Variants in CYLD observed in about 807,000 individuals in gnomAD.
The protein encoded by CYLD is ubiquitin carboxyl-terminal hydrolase CYLD.
In CYLD, 26 loss-of-function variants were observed where a neutral mutation model predicts 104.5. The ratio of observed to expected loss-of-function variants is 0.25; its 90% confidence interval spans 0.18 to 0.35. The LOEUF is 0.35. CYLD is among the 10% of genes least tolerant of loss of function. CYLD has a pLI of 1.00. For synonymous variants in CYLD, 385 were observed against 399.9 expected, an observed-to-expected ratio of 0.96 and a Z score of 0.45; for missense variants, 703 against 1,136.1, an observed-to-expected ratio of 0.62 and a Z score of 5.48.
At chr16:50,757,693 C>T (rs1308128525) in intron 5 of CYLD, among the ~76,000 whole-genome samples, 3 of 152,140 alleles carry the variant, frequency 2.0e-5, no homozygotes, top group East Asian at 1.9e-4. Flanking sequence ...CCCGCCACCA[C>T]GCCCGGCTAA....
chr16:50,761,661 A>G (rs2150942624), intron 5 of CYLD, among the ~76,000 whole-genome samples: 1 of 152,206 alleles, frequency 6.6e-6, no homozygotes, highest in African/African-American at 2.4e-5. Flanking sequence ...GTTTTAATAG[A>G]TTCTGGATTT....
At chr16:50,788,753 T>C (rs1438762579) in intron 14 of CYLD, among the ~76,000 whole-genome samples, 1 of 152,212 alleles carries the variant, frequency 6.6e-6, no homozygotes, top group Non-Finnish European at 1.5e-5. Flanking sequence ...TCATAATTTG[T>C]CTATGTAAAA....
At chr16:50,754,998 T>C (rs868006002) in intron 5 of CYLD, among the ~76,000 whole-genome samples, 227 of 11,860 alleles carry the variant, frequency 0.019, 4 homozygotes, top group Middle Eastern at 0.062. Flanking sequence ...CATATATATG[T>C]ATATATACAT....
intron 5 of CYLD, among the ~76,000 whole-genome samples, chr16:50,759,084 T>A (rs1055220726): frequency 6.6e-6 from 1 of 151,918 alleles, no homozygotes; most frequent in Non-Finnish European, 1.5e-5. Flanking sequence ...CTACTAAAAA[T>A]ACAAAAATTA....
In CYLD at chr16:50,797,194, G is replaced by C. The variant is rs921531675; in HGVS notation, c.*686G>C. 2.0e-4 allele frequency: 47 copies of C among 232,926 alleles called. No homozygotes were observed. Among genetic ancestry groups the C allele is most frequent in the South Asian group, 3.6e-4 (2 of 5,536 alleles). The allele number at this position is 232,926 out of a possible 1,614,324, so 14.4% of individuals were successfully genotyped here. On this transcript the variant is annotated 3_prime_UTR_variant, in exon 19 of 19. Transcript: ENST00000427738. The stretch of plus-strand genomic sequence containing the variant: ...TGAAGTGATTTTCCTGGAGGATTAG[G>C]GTATTTAGCAGTTGAAGCTCTTCAT...
chr16:50,763,501 G>A (rs145060469), intron 5 of CYLD, among the ~76,000 whole-genome samples: 178 of 152,188 alleles, frequency 1.2e-3, no homozygotes, highest in African/African-American at 3.9e-3. Flanking sequence ...GTGTGTAAGC[G>A]TTTTGGTTTC....
At chr16:50,783,284 G>T (rs1970452849) in intron 11 of CYLD, among the ~76,000 whole-genome samples, 1 of 151,974 alleles carries the variant, frequency 6.6e-6, no homozygotes. Flanking sequence ...GAATCTTTAG[G>T]CTCTGAGGAT....
intron 12 of CYLD, chr16:50,785,182 C>G (rs902094662): frequency 2.0e-5 from 3 of 152,034 alleles, no homozygotes; most frequent in African/African-American, 7.2e-5. Context: ...GATCATAAAA[C>G]AAATTTGTTC....
rs181246559 is a variant in CYLD at position 50,798,339 on chromosome 16, G to A, written c.*1831G>A. On this transcript the variant is annotated 3_prime_UTR_variant, in exon 19 of 19. Coordinates refer to ENST00000427738, the MANE Select transcript of CYLD (RefSeq NM_001378743.1). ...TTTTAAAAAAAGGATGGTTACATCC[G>A]TATTGAACATGTACAGACTTTTTTC... 7.0e-3 allele frequency: 1,624 copies of A among 231,500 alleles called. 12 individuals are homozygous for A. Among genetic ancestry groups the A allele is most frequent in the Middle Eastern group, 0.014 (11 of 776 alleles). The allele number at this position is 231,500 out of a possible 1,614,324, so 14.3% of individuals were successfully genotyped here.
rs758690839 is a variant in CYLD at position 50,754,363 on chromosome 16, G to A, written c.852G>A (p.Gln284=). The change falls in exon 5 of 19, where the codon CAG becomes CAA. Residue 284 remains glutamine (Q), a synonymous_variant. Transcript: ENST00000427738. ...GGGATGGAAGATTTGATGGAGTGCA[G>A]CTTTGTAGTTTTGCGTGTGTTGAAA... ...GNWDGRFDGV[Q]LCSFACVEST... is the part of the protein sequence containing the mutation. The A allele has an allele frequency of 3.7e-6, 6 of 1,613,670 alleles. No homozygotes were observed. The highest frequency in any genetic ancestry group is 5.1e-6 in the Non-Finnish European group (6 of 1,179,730).
rs1225793714 is a variant in CYLD at position 50,797,385 on chromosome 16, C to A, written c.*877C>A. 4.3e-6 allele frequency: 1 copy of A among 232,100 alleles called. No homozygotes were observed. The highest frequency in any genetic ancestry group is 8.5e-6 in the Non-Finnish European group (1 of 117,402). The allele number at this position is 232,100 out of a possible 1,614,324, so 14.4% of individuals were successfully genotyped here. A position where few individuals can be genotyped will look rare whatever the true frequency, so the allele number is the denominator to read the frequency against. ...TGGCATATAGAATTATTACAATTTCCTGGGAGAGATGGATATTTAAACCTC... is the reference window on the plus strand; with the variant it reads ...TGGCATATAGAATTATTACAATTTCATGGGAGAGATGGATATTTAAACCTC... On this transcript the variant is annotated 3_prime_UTR_variant, in exon 19 of 19. Coordinates refer to ENST00000427738, the MANE Select transcript of CYLD (RefSeq NM_001378743.1).
At chr16:50,795,803 C>G in intron 18 of CYLD, 1 of 557,154 alleles carries the variant, frequency 1.8e-6, no homozygotes, top group Non-Finnish European at 3.2e-6. Flanking sequence ...CCCAGAGGAG[C>G]CTTTCCTGGA....
chr16:50,780,199 C>G lies in CYLD; in HGVS notation c.1518+155C>G, dbSNP rs535094798. 3.1e-4 allele frequency among the ~76,000 whole-genome samples: 47 copies of G among 152,268 alleles called. No homozygotes were observed. In the South Asian group the frequency reaches 5.8e-3, roughly 19 times the overall value. ...CACCATGTTTTCTGACTTCCCTTTG[C>G]CGCCCCTGAAGCTTGCGACCCACTT... On this transcript the variant is annotated intron_variant, in intron 9 of 18. Coordinates refer to ENST00000427738, the MANE Select transcript of CYLD (RefSeq NM_001378743.1).
chr16:50,753,664 T>C lies in CYLD; in HGVS notation c.808-655T>C, dbSNP rs80005565. Reference sequence around the variant, plus strand: ...TTTCCAGGGACATTTTAGCATGCCATGCACATTGGTGCCCAGGGCAGTTGT... The same window carrying C: ...TTTCCAGGGACATTTTAGCATGCCACGCACATTGGTGCCCAGGGCAGTTGT... On this transcript the variant is annotated intron_variant, in intron 4 of 18. Transcript: ENST00000427738. Among the ~76,000 whole-genome samples the C allele has an allele frequency of 1.0e-3, 156 of 152,366 alleles. 1 individual carries two copies. The highest frequency in any genetic ancestry group is 2.4e-3 in the Admixed American group (36 of 15,308).
intron 5 of CYLD, among the ~76,000 whole-genome samples, chr16:50,759,916 T>C (rs1967710483): frequency 6.6e-6 from 1 of 152,246 alleles, no homozygotes; most frequent in South Asian, 2.1e-4. Flanking sequence ...AGTTGCTCAT[T>C]TATTGATTCA....
chr16:50,776,271 G>A lies in CYLD; in HGVS notation c.1015G>A (p.Ala339Thr). The part of the protein sequence containing the change: ...KGSSSHNKPK[A>T]TGSTSDPGNR... ...TTCATCCAGTCATAATAAACCAAAG[G>A]CTACAGGTATGGATTAATAGCATAT... is the stretch of plus-strand genomic sequence containing the variant. Residue 339 changes from alanine (A) to threonine (T), a missense_variant, in exon 7 of 19, where the codon GCT (alanine) becomes ACT (threonine). By Grantham distance (58) the Ala-to-Thr change is moderately conservative. Coordinates refer to ENST00000427738, the MANE Select transcript of CYLD (RefSeq NM_001378743.1). 6.2e-7 allele frequency: 1 copy of A among 1,609,018 alleles called. No homozygotes were observed. The highest frequency in any genetic ancestry group is 8.5e-7 in the Non-Finnish European group (1 of 1,175,612).
rs397717971 is a variant in CYLD, at chr16:50,794,619, GT to G, written c.2686+202del. The G allele has an allele frequency of 2.1e-3, 1,145 of 536,362 alleles. No homozygotes were observed. Among genetic ancestry groups the G allele is most frequent in the East Asian group, 5.1e-3 (151 of 29,888 alleles). 33.2% of individuals were successfully genotyped at this position (536,362 alleles called of 1,614,324 possible). On this transcript the variant is annotated intron_variant, in intron 18 of 18. Coordinates refer to ENST00000427738, the MANE Select transcript of CYLD (RefSeq NM_001378743.1). The surrounding 1 kb of genome is among the most constrained non-coding windows in gnomAD (Gnocchi z 4.1). Reference sequence around the variant, plus strand: ...GCTGAACTAAGGAATAATATGCTGTGTTTTTTTTTTTCCTTTTTTGAGATGG... The same window carrying G: ...GCTGAACTAAGGAATAATATGCTGTGTTTTTTTTTTCCTTTTTTGAGATGG...
chr16:50,746,460 C>T (rs1430626224), intron 2 of CYLD, among the ~76,000 whole-genome samples: 1 of 152,214 alleles, frequency 6.6e-6, no homozygotes, highest in East Asian at 1.9e-4. Context: ...AAGAGAGTTT[C>T]AAACTTGTTC....
chr16:50,746,093 G>A (rs914538206), intron 2 of CYLD, among the ~76,000 whole-genome samples: 1 of 152,066 alleles, frequency 6.6e-6, no homozygotes, highest in South Asian at 2.1e-4. Context: ...GCTGAAGTGC[G>A]GTGGCGTGAT....
Sources: allele counts gnomAD v4.1 joint callset (sites outside exome capture counted in the v4.1 genomes callset), GRCh38; gene constraint gnomAD v4.1.1; non-coding constraint Gnocchi (gnomAD v3.1); transcripts MANE v1.5; gene names NCBI Gene and HGNC (gene_info 2026-07-23, HGNC 2026-07-21).